AMMECR1: variants seen among roughly 807,000 people sequenced by gnomAD.
AMMECR1 encodes the protein nuclear protein AMMECR1.
A neutral mutation model predicts 22.5 loss-of-function variants in AMMECR1; 3 were observed. The ratio of observed to expected loss-of-function variants is 0.13; its 90% CI spans 0.06 to 0.35. The LOEUF is 0.35. Ranked by LOEUF, AMMECR1 falls within the 10% of genes least tolerant of loss-of-function variation. The pLI is 1.00. For missense variants in AMMECR1, 235 were observed against 278.7 expected (o/e 0.84, Z 1.12); for synonymous variants, 130 against 116.7 (o/e 1.11, Z -0.74).
intron 1 of AMMECR1, among the ~76,000 whole-genome samples, chrX:110,301,086 A>G (rs1202844415): frequency 2.7e-5 from 3 of 111,787 alleles, no homozygotes; most frequent in African/African-American, 9.8e-5. Context: ...TTTAAACAAT[A>G]TAAAGTGGAA....
rs371211473 is a variant in AMMECR1 at position 110,240,630 on chromosome X, G to T, written c.584+23859C>A. On this transcript the variant is annotated intron_variant, in intron 2 of 5. Coordinates refer to ENST00000262844, the MANE Select transcript of AMMECR1 (RefSeq NM_015365.3). Reference sequence around the variant, plus strand: ...ACTTAGACTCCCACACAATAATAGTGGGAGACTTTAACACCTCACTGTCAA... The same window carrying T: ...ACTTAGACTCCCACACAATAATAGTTGGAGACTTTAACACCTCACTGTCAA... 2.8e-5 allele frequency among the ~76,000 whole-genome samples: 3 copies of T among 108,838 alleles called. No individual in the cohort carries two copies. The East Asian group carries it at 8.7e-4, about 31-fold the overall frequency. The allele number at this position is 108,838 out of a possible 115,157, so 94.5% of individuals were successfully genotyped here.
rs2067377047 is a variant in AMMECR1, at chrX:110,197,616, CCT to C, written c.*902_*903del. On this transcript the variant is annotated 3_prime_UTR_variant, in exon 6 of 6. Coordinates refer to ENST00000262844, the MANE Select transcript of AMMECR1 (RefSeq NM_015365.3). ...TTTCTAAATTGCCTTTTTTCTAACCCCTCTTAATTCCACTTAATTATATTCTT... is the reference window on the plus strand; with the variant it reads ...TTTCTAAATTGCCTTTTTTCTAACCCCTTAATTCCACTTAATTATATTCTT... 1 of 111,286 alleles carries C rather than the reference CCT, an allele frequency of 9.0e-6. No individual in the cohort carries two copies. The highest frequency in any genetic ancestry group is 3.3e-5 in the African/African-American group (1 of 30,653). The allele number at this position is 111,286 out of a possible 1,213,427, so 9.2% of individuals were successfully genotyped here.
At chrX:110,429,430 A>G (rs1225359507) in intron 1 of AMMECR1, among the ~76,000 whole-genome samples, 1 of 110,112 alleles carries the variant, frequency 9.1e-6, no homozygotes, top group Non-Finnish European at 1.9e-5. Flanking sequence ...TTTGCCATCT[A>G]TAAAACGATG....
At chrX:110,280,429 C>T (rs1185157052) in intron 1 of AMMECR1, among the ~76,000 whole-genome samples, 2 of 111,311 alleles carry the variant, frequency 1.8e-5, no homozygotes, top group African/African-American at 3.3e-5. Flanking sequence ...AACATTAAAA[C>T]GTTAAAAACA....
intron 2 of AMMECR1, among the ~76,000 whole-genome samples, chrX:110,343,719 A>G (rs2068175286): frequency 9.0e-6 from 1 of 111,063 alleles, no homozygotes; most frequent in African/African-American, 3.3e-5. Context: ...AGAAAGCCAA[A>G]TCATGAGTGA....
At position 110,198,330 on chromosome X, in the gene AMMECR1, A is replaced by G. The variant is rs185269614; in HGVS notation, c.*190T>C. 1.4e-4 allele frequency: 40 copies of G among 292,874 alleles called. 1 individual carries two copies. The highest frequency in any genetic ancestry group is 1.3e-3 in the Admixed American group (23 of 17,310). 24.1% of individuals were successfully genotyped at this position (292,874 alleles called of 1,213,427 possible). ...CAACGATCTAAAATAATAAAACAGG[A>G]TCTTAACAAATGCCATTTTTCTACC... is the stretch of plus-strand genomic sequence containing the variant. On this transcript the variant is annotated 3_prime_UTR_variant, in exon 6 of 6. Coordinates refer to ENST00000262844, the MANE Select transcript of AMMECR1 (RefSeq NM_015365.3).
At chrX:110,345,500 A>AT (rs1380022817) in intron 2 of AMMECR1, among the ~76,000 whole-genome samples, 3 of 107,540 alleles carry the variant, frequency 2.8e-5, no homozygotes, top group African/African-American at 1.1e-4. Flanking sequence ...GTAATAAAAA[A>AT]AATATATATA....
At chrX:110,427,766 C>A (rs1427053170) in intron 1 of AMMECR1, among the ~76,000 whole-genome samples, 1 of 112,323 alleles carries the variant, frequency 8.9e-6, no homozygotes, top group Non-Finnish European at 1.9e-5. Flanking sequence ...ACCCCCAACA[C>A]TATGCTCTTG....
intron 2 of AMMECR1, among the ~76,000 whole-genome samples, chrX:110,230,306 G>A (rs1354189353): frequency 8.9e-6 from 1 of 112,164 alleles, no homozygotes; most frequent in Non-Finnish European, 1.9e-5. Flanking sequence ...GAAGCTTCCA[G>A]AGGAAGTATC....
At chrX:110,324,507 T>G (rs1382212312) in intron 2 of AMMECR1, among the ~76,000 whole-genome samples, 1 of 111,355 alleles carries the variant, frequency 9.0e-6, no homozygotes, top group African/African-American at 3.3e-5. Context: ...ATAGAATTGA[T>G]GAGAGCAGAC....
chrX:110,200,850 C>A lies in AMMECR1; in HGVS notation c.887+104G>T. The A allele has an allele frequency of 7.3e-6, 4 of 549,194 alleles. No individual in the cohort carries two copies. The South Asian group carries it at 9.3e-5, about 13-fold the overall frequency. The allele number at this position is 549,194 out of a possible 1,213,427, so 45.3% of individuals were successfully genotyped here. ...CCTGCCATTCATTTCCACTCTGTTTCAGAAAAAAGAAGTGTAGTTAGAGAG... is the reference window on the plus strand; with the variant it reads ...CCTGCCATTCATTTCCACTCTGTTTAAGAAAAAAGAAGTGTAGTTAGAGAG... On this transcript the variant is annotated intron_variant, in intron 5 of 5. Transcript: ENST00000262844.
chrX:110,213,041 A>G (rs1313666682), intron 3 of AMMECR1, among the ~76,000 whole-genome samples: 1 of 112,328 alleles, frequency 8.9e-6, no homozygotes, highest in Non-Finnish European at 1.9e-5. Context: ...TTCTTCTTTG[A>G]TAAGTTAAAA....
chrX:110,230,734 G>A (rs1227199628), intron 2 of AMMECR1, among the ~76,000 whole-genome samples: 1 of 111,793 alleles, frequency 8.9e-6, no homozygotes, highest in Non-Finnish European at 1.9e-5. Flanking sequence ...AAACTTCTAC[G>A]AGCTGAAGGA....
chrX:110,345,558 A>T (rs778102507), intron 2 of AMMECR1, among the ~76,000 whole-genome samples: 1 of 109,762 alleles, frequency 9.1e-6, no homozygotes, highest in South Asian at 3.9e-4. Flanking sequence ...CTGAGGACAC[A>T]TGGGAACAAC....
chrX:110,278,371 G>A (rs762527514), intron 1 of AMMECR1, among the ~76,000 whole-genome samples: 1 of 111,915 alleles, frequency 8.9e-6, no homozygotes, highest in East Asian at 2.8e-4. Context: ...ACAAAACTAA[G>A]TAAGTTTCCA....
chrX:110,218,817 A>C (rs2148172257), intron 2 of AMMECR1, among the ~76,000 whole-genome samples: 1 of 111,067 alleles, frequency 9.0e-6, no homozygotes, highest in Non-Finnish European at 1.9e-5. Context: ...CACCACTCCC[A>C]GCTCCTGGAA....
intron 2 of AMMECR1, among the ~76,000 whole-genome samples, chrX:110,332,373 A>G (rs758416406): frequency 1.3e-4 from 14 of 111,539 alleles, no homozygotes; most frequent in Non-Finnish European, 2.6e-4. Flanking sequence ...TTCTTCTTAA[A>G]TATGCCATAC....
chrX:110,339,973 TACAC>T (rs35459612), intron 2 of AMMECR1, among the ~76,000 whole-genome samples: 8,812 of 78,625 alleles, frequency 0.11, 422 homozygotes, highest in Non-Finnish European at 0.15. Context: ...AGGCAAAACA[TACAC>T]ACACACACAC....
rs1434748589 is a variant in AMMECR1, at chrX:110,306,312, A to AAATAT, written c.473+11286_473+11287insATATT. On this transcript the variant is annotated intron_variant, in intron 1 of 5. Transcript: ENST00000262844. ...CCGTCTCGAAAAATAAAATAAAATA[A>AAATAT]AAAATAAAAAAATTAAAAAGTTACT... Among the ~76,000 whole-genome samples the AAATAT allele has an allele frequency of 1.3e-4, 14 of 111,605 alleles. 1 individual carries two copies. The highest frequency in any genetic ancestry group is 1.3e-4 in the Non-Finnish European group (7 of 53,100).
Sources: gnomAD v4.1 joint callset for allele counts (sites outside exome capture counted in the v4.1 genomes callset) on GRCh38, gnomAD v4.1.1 for gene constraint, MANE v1.5 for transcripts, NCBI Gene and HGNC (gene_info 2026-07-23, HGNC 2026-07-21) for gene names.